XPR1: variants seen among roughly 807,000 people sequenced by gnomAD.
XPR1 encodes solute carrier family 53 member 1.
A neutral mutation model predicts 87.5 loss-of-function variants in XPR1; 28 were observed. The ratio of observed to expected loss-of-function variants is 0.32; its 90% CI spans 0.24 to 0.44. The LOEUF (loss-of-function observed/expected upper bound fraction) is 0.44. XPR1 is among the 20% of genes least tolerant of loss of function. XPR1 has a pLI of 1.00. For missense variants in XPR1, 559 were observed against 862.3 expected (o/e 0.65, Z 4.41); for synonymous variants, 300 against 306.1 (o/e 0.98, Z 0.21).
chr1:180,859,441 C>G (rs1259603110), intron 11 of XPR1, among the ~76,000 whole-genome samples: 1 of 152,120 alleles, frequency 6.6e-6, no homozygotes, highest in South Asian at 2.1e-4. Context: ...TTCTGAATAT[C>G]ACTAAAGTGT....
At chr1:180,833,377 AC>A (rs1297548747) in intron 9 of XPR1, among the ~76,000 whole-genome samples, 3 of 152,204 alleles carry the variant, frequency 2.0e-5, no homozygotes, top group Non-Finnish European at 4.4e-5. Context: ...AAAGACATAG[AC>A]TGGCAAATTG....
At chr1:180,725,321 C>G (rs1391451735) in intron 2 of XPR1, among the ~76,000 whole-genome samples, 1 of 151,984 alleles carries the variant, frequency 6.6e-6, no homozygotes, top group African/African-American at 2.4e-5. Context: ...GAAGATCTGA[C>G]TAATCTTCCT....
intron 1 of XPR1, 103 bp from the exon 2 acceptor site, chr1:180,682,257 A>G (rs1656601013): frequency 1.3e-6 from 1 of 772,884 alleles, no homozygotes; most frequent in East Asian, 2.9e-5. Context: ...TTAGGGAGCT[A>G]TGAGTGGTCA....
intron 11 of XPR1, among the ~76,000 whole-genome samples, chr1:180,842,166 G>T (rs1464536329): frequency 1.3e-5 from 2 of 152,264 alleles, no homozygotes; most frequent in Middle Eastern, 3.4e-3. Flanking sequence ...TTTTAGAGGG[G>T]CAAGGAGTAA....
At chr1:180,812,666 T>C (rs1650262661) in intron 7 of XPR1, among the ~76,000 whole-genome samples, 1 of 151,064 alleles carries the variant, frequency 6.6e-6, no homozygotes, top group Admixed American at 6.6e-5. Context: ...TTTTTTTTTT[T>C]GACACGGGGT....
At chr1:180,709,508 G>C (rs902618604) in intron 2 of XPR1, among the ~76,000 whole-genome samples, 5 of 152,040 alleles carry the variant, frequency 3.3e-5, no homozygotes, top group Non-Finnish European at 7.4e-5. Flanking sequence ...TTTCACTGTT[G>C]ATCAGTTTAC....
intron 1 of XPR1, among the ~76,000 whole-genome samples, chr1:180,666,887 G>A (rs1372533179): frequency 6.6e-6 from 1 of 150,486 alleles, no homozygotes; most frequent in African/African-American, 2.4e-5. Context: ...TCTTTTCCTT[G>A]TTCCTGATCT....
chr1:180,723,038 A>G (rs1038258843), intron 2 of XPR1, among the ~76,000 whole-genome samples: 2 of 152,234 alleles, frequency 1.3e-5, no homozygotes, highest in African/African-American at 2.4e-5. Context: ...GATAAACCAC[A>G]TAGCTTTGTC....
chr1:180,687,724 C>T (rs374278838), intron 2 of XPR1, among the ~76,000 whole-genome samples: 1 of 152,020 alleles, frequency 6.6e-6, no homozygotes, highest in Admixed American at 6.6e-5. Context: ...ATCAGTTATA[C>T]ATTGCAAACA....
chr1:180,777,925 G>A (rs1648785829), intron 2 of XPR1, among the ~76,000 whole-genome samples: 1 of 152,162 alleles, frequency 6.6e-6, no homozygotes, highest in African/African-American at 2.4e-5. Flanking sequence ...TGATAGTAAA[G>A]TTAGTGCCTC....
At chr1:180,752,336 T>C (rs1647566078) in intron 2 of XPR1, among the ~76,000 whole-genome samples, 1 of 152,228 alleles carries the variant, frequency 6.6e-6, no homozygotes, top group South Asian at 2.1e-4. Flanking sequence ...TAGTTGATTC[T>C]CTGGTATAAT....
intron 2 of XPR1, among the ~76,000 whole-genome samples, chr1:180,732,998 G>GC (rs1460457397): frequency 1.3e-5 from 2 of 152,192 alleles, no homozygotes; most frequent in Non-Finnish European, 2.9e-5. Context: ...GCCAACCTCT[G>GC]CATCGTTCTG....
intron 2 of XPR1, among the ~76,000 whole-genome samples, chr1:180,710,974 C>T (rs1204367970): frequency 5.4e-5 from 8 of 148,060 alleles, no homozygotes; most frequent in South Asian, 4.3e-4. Context: ...ACTTCCCAGA[C>T]GGGGTGGCTG....
At chr1:180,667,388 CATTG>C (rs1406382822) in intron 1 of XPR1, among the ~76,000 whole-genome samples, 1 of 152,052 alleles carries the variant, frequency 6.6e-6, no homozygotes, top group Non-Finnish European at 1.5e-5. Flanking sequence ...TGGTGTATTA[CATTG>C]ATTGATTTTC....
At chr1:180,690,703 GATTA>G (rs1023217014) in intron 2 of XPR1, among the ~76,000 whole-genome samples, 4 of 151,078 alleles carry the variant, frequency 2.6e-5, no homozygotes, top group African/African-American at 9.7e-5. Flanking sequence ...TTTAAAAATT[GATTA>G]ATTCTCTTTC....
chr1:180,772,140 G>A (rs969248958), intron 2 of XPR1, among the ~76,000 whole-genome samples: 1 of 151,926 alleles, frequency 6.6e-6, no homozygotes, highest in Non-Finnish European at 1.5e-5. Context: ...TTGAATATGT[G>A]CTTTATTCTA....
chr1:180,665,261 A>G (rs1655918483), intron 1 of XPR1, among the ~76,000 whole-genome samples: 1 of 152,196 alleles, frequency 6.6e-6, no homozygotes, highest in South Asian at 2.1e-4. Context: ...TCGCAAGAAC[A>G]GCATGGGGAA....
rs1358103584 is a variant in XPR1 at position 180,806,518 on chromosome 1, T to C, written c.642T>C (p.Ala214=). 1.2e-6 allele frequency: 2 copies of C among 1,613,436 alleles called. No individual in the cohort carries two copies. The highest frequency in any genetic ancestry group is 2.7e-5 in the African/African-American group (2 of 75,026). Residue 214 remains alanine (A), a synonymous_variant, in exon 6 of 15, where the codon GCT becomes GCC. Coordinates refer to ENST00000367590, the MANE Select transcript of XPR1 (RefSeq NM_004736.4). ...TTGAAGATGGTGACAGACAAAAGGC[T>C]ATGAAGCGTTTACGTGTCCCCCCTT... ...NELEDGDRQK[A]MKRLRVPPLG... is the part of the protein sequence containing the mutation.
At chr1:180,684,892 C>T (rs185314642) in intron 2 of XPR1, among the ~76,000 whole-genome samples, 221 of 152,264 alleles carry the variant, frequency 1.5e-3, no homozygotes, top group African/African-American at 4.7e-3. Context: ...TGGGCTGAGA[C>T]GATGAGGTTT....
Sources: allele counts gnomAD v4.1 joint callset (sites outside exome capture counted in the v4.1 genomes callset), GRCh38; gene constraint gnomAD v4.1.1; transcripts MANE v1.5; gene names NCBI Gene and HGNC (gene_info 2026-07-23, HGNC 2026-07-21).